Variants in EAF2 observed in about 807,000 individuals in gnomAD.
The protein encoded by EAF2 is ELL associated factor 2, also known as ELL-associated factor 2.
Under a neutral mutation model 29.4 loss-of-function variants are expected in EAF2, and 29 were observed. The ratio of observed to expected loss-of-function variants is 0.99; its 90% CI spans 0.73 to 1.35. The LOEUF is 1.35. Ranked by LOEUF, EAF2 falls within the 40% of genes most tolerant of loss-of-function variation. The probability of loss-of-function intolerance (pLI) is 0.00; values close to 1 mark genes in which losing one functional copy is unlikely to be tolerated. For missense variants in EAF2, 292 were observed against 312.0 expected, an observed-to-expected ratio of 0.94 and a Z score of 0.48; for synonymous variants, 103 against 102.5, an observed-to-expected ratio of 1.00 and a Z score of -0.03.
intron 5 of EAF2, among the ~76,000 whole-genome samples, 158 bp from the exon 6 acceptor site, chr3:121,886,184 A>C (rs1414004247): frequency 6.6e-6 from 1 of 152,170 alleles, no homozygotes; most frequent in Non-Finnish European, 1.5e-5. Flanking sequence ...ACACAGTATT[A>C]TTTGAGTTAC....
intron 4 of EAF2, among the ~76,000 whole-genome samples, chr3:121,859,267 G>A (rs1339258153): frequency 6.6e-6 from 1 of 152,094 alleles, no homozygotes; most frequent in African/African-American, 2.4e-5. Context: ...GGACAGTATG[G>A]CCATTTTCAC....
chr3:121,843,199 T>C (rs1020630527), intron 1 of EAF2, among the ~76,000 whole-genome samples: 3 of 152,212 alleles, frequency 2.0e-5, no homozygotes, highest in African/African-American at 4.8e-5. Flanking sequence ...GCATGGTGCC[T>C]GGCATGTAGT....
intron 5 of EAF2, among the ~76,000 whole-genome samples, chr3:121,885,097 T>C (rs1359793283): frequency 6.6e-6 from 1 of 152,212 alleles, no homozygotes; most frequent in Non-Finnish European, 1.5e-5. Flanking sequence ...AAATTGAACT[T>C]GTGATTTTTC....
intron 2 of EAF2, among the ~76,000 whole-genome samples, chr3:121,848,070 A>G (rs1431016018): frequency 6.6e-6 from 1 of 152,216 alleles, no homozygotes; most frequent in Non-Finnish European, 1.5e-5. Flanking sequence ...GCAACATCTA[A>G]GCTTTATGAA....
At chr3:121,839,073 A>G (rs1288901510) in intron 1 of EAF2, among the ~76,000 whole-genome samples, 1 of 152,216 alleles carries the variant, frequency 6.6e-6, no homozygotes, top group African/African-American at 2.4e-5. Context: ...TCACTTCATA[A>G]ACACTAAAAC....
At chr3:121,884,970 A>C (rs1489462728) in intron 5 of EAF2, among the ~76,000 whole-genome samples, 1 of 151,990 alleles carries the variant, frequency 6.6e-6, no homozygotes, top group Admixed American at 6.6e-5. Flanking sequence ...ACGATCAATG[A>C]CTCTCAAATC....
intron 1 of EAF2, among the ~76,000 whole-genome samples, chr3:121,839,931 C>T (rs1190677050): frequency 6.6e-6 from 1 of 152,176 alleles, no homozygotes; most frequent in Non-Finnish European, 1.5e-5. Context: ...CCGTGCCTCA[C>T]GCCTGTAATC....
At chr3:121,846,794 C>T (rs1460692446) in intron 2 of EAF2, among the ~76,000 whole-genome samples, 1 of 151,900 alleles carries the variant, frequency 6.6e-6, no homozygotes, top group Non-Finnish European at 1.5e-5. Flanking sequence ...CATTGCTCTT[C>T]TCCTCCAAAG....
At chr3:121,881,461 A>G (rs917854268) in intron 5 of EAF2, among the ~76,000 whole-genome samples, 1 of 151,998 alleles carries the variant, frequency 6.6e-6, no homozygotes, top group Non-Finnish European at 1.5e-5. Flanking sequence ...CCACAAATTT[A>G]TCAATTATCA....
intron 1 of EAF2, among the ~76,000 whole-genome samples, chr3:121,840,679 C>T (rs1469358949): frequency 6.7e-6 from 1 of 149,220 alleles, no homozygotes; most frequent in Non-Finnish European, 1.5e-5. Context: ...TGGTGACGGG[C>T]GCCTGTGGTC....
At chr3:121,884,075 T>C (rs1021832855) in intron 5 of EAF2, among the ~76,000 whole-genome samples, 1 of 152,086 alleles carries the variant, frequency 6.6e-6, no homozygotes, top group East Asian at 1.9e-4. Context: ...AGGTGGCTCA[T>C]GCCTGTAATC....
chr3:121,838,339 A>T (rs114989547), intron 1 of EAF2, among the ~76,000 whole-genome samples: 2 of 152,192 alleles, frequency 1.3e-5, no homozygotes, highest in African/African-American at 4.8e-5. Flanking sequence ...GTCTGGAATC[A>T]TAGCAACTTG....
intron 2 of EAF2, among the ~76,000 whole-genome samples, chr3:121,850,331 AT>A (rs906212858): frequency 1.3e-4 from 18 of 135,736 alleles, no homozygotes; most frequent in Admixed American, 2.9e-4. Flanking sequence ...TTTGTCTTTG[AT>A]TTTTTTTTCA....
At chr3:121,863,779 C>T (rs1052101126) in intron 4 of EAF2, among the ~76,000 whole-genome samples, 17 of 152,092 alleles carry the variant, frequency 1.1e-4, no homozygotes, top group African/African-American at 3.9e-4. Flanking sequence ...CTGCGTGGCT[C>T]ATGGTGGGAG....
At chr3:121,864,277 GT>G (rs1378475328) in intron 4 of EAF2, among the ~76,000 whole-genome samples, 1 of 152,078 alleles carries the variant, frequency 6.6e-6, no homozygotes, top group Admixed American at 6.6e-5. Flanking sequence ...CAATTTCAGT[GT>G]TCCCTTCTAA....
intron 5 of EAF2, among the ~76,000 whole-genome samples, chr3:121,882,649 A>G (rs796529043): frequency 9.2e-5 from 14 of 152,234 alleles, no homozygotes; most frequent in African/African-American, 3.1e-4. Context: ...TAAATTATCT[A>G]CATAGGAAAT....
At chr3:121,854,255 G>A (rs1041472682) in intron 2 of EAF2, among the ~76,000 whole-genome samples, 1 of 146,182 alleles carries the variant, frequency 6.8e-6, no homozygotes, top group Non-Finnish European at 1.5e-5. Flanking sequence ...GGTGGAGGTT[G>A]CAGTGAGCCG....
intron 4 of EAF2, among the ~76,000 whole-genome samples, chr3:121,868,384 A>G (rs943082043): frequency 1.3e-5 from 2 of 152,186 alleles, no homozygotes; most frequent in Non-Finnish European, 2.9e-5. Context: ...AGATCACTTG[A>G]GGTCAGGAGT....
At chr3:121,859,797 T>G (rs960412444) in intron 4 of EAF2, among the ~76,000 whole-genome samples, 12 of 152,320 alleles carry the variant, frequency 7.9e-5, no homozygotes, top group Admixed American at 2.0e-4. Context: ...AGTATGATAT[T>G]GGCTGTGGGT....
Sources: allele counts gnomAD v4.1 joint callset (sites outside exome capture counted in the v4.1 genomes callset), GRCh38; gene constraint gnomAD v4.1.1; transcripts MANE v1.5; gene names NCBI Gene and HGNC (gene_info 2026-07-23, HGNC 2026-07-21).